The following C13orf46 variants were observed in gnomAD, a reference collection of about 807,000 sequenced individuals.
C13orf46 encodes uncharacterized protein C13orf46.
At chr13:113,947,045 G>A in the C13orf46 span, among the ~76,000 whole-genome samples, 1 of 152,250 alleles carries the variant, frequency 6.6e-6, no homozygotes, top group Non-Finnish European at 1.5e-5. Flanking sequence ...TGGGAGAGAG[G>A]GGCCAGCCAC....
At chr13:113,952,349 TC>T (rs1225116771), downstream of C13orf46, among the ~76,000 whole-genome samples, 1 of 106,510 alleles carries the variant, frequency 9.4e-6, no homozygotes, top group Non-Finnish European at 2.3e-5. Flanking sequence ...TGGCCGCCGC[TC>T]CCGCCTGCCC....
chr13:113,957,839 A>C (rs1355278683), intron 6 of C13orf46, among the ~76,000 whole-genome samples: 14 of 87,702 alleles, frequency 1.6e-4, no homozygotes, highest in Admixed American at 4.3e-4. Flanking sequence ...TGCACTCTGT[A>C]TTCACCCCCT....
downstream of C13orf46, among the ~76,000 whole-genome samples, chr13:113,951,948 C>T (rs1449674943): frequency 1.6e-4 from 24 of 152,202 alleles, no homozygotes; most frequent in Non-Finnish European, 2.9e-5. Flanking sequence ...TGCCTCTCTC[C>T]GTATATGGCA....
chr13:113,931,909 G>A, the C13orf46 span, among the ~76,000 whole-genome samples: 1 of 151,618 alleles, frequency 6.6e-6, no homozygotes, highest in Non-Finnish European at 1.5e-5. Context: ...CCACAATCGA[G>A]ACCATGGACA....
chr13:113,960,643 G>T (rs1042773642), intron 6 of C13orf46, among the ~76,000 whole-genome samples: 22 of 152,268 alleles, frequency 1.4e-4, no homozygotes, highest in African/African-American at 5.1e-4. Flanking sequence ...GGCTTTTCTT[G>T]CTATGTCTGA....
At chr13:113,965,721 G>A (rs1164395748) in intron 5 of C13orf46, among the ~76,000 whole-genome samples, 3 of 147,136 alleles carry the variant, frequency 2.0e-5, no homozygotes, top group African/African-American at 7.7e-5. Flanking sequence ...TTATAATGGT[G>A]GTGATGATGG....
At chr13:113,934,657 G>T in the C13orf46 span, among the ~76,000 whole-genome samples, 17 of 152,344 alleles carry the variant, frequency 1.1e-4, no homozygotes, top group Middle Eastern at 3.4e-3. Flanking sequence ...GCAAGTGCTC[G>T]AGGCCTGCCT....
chr13:113,955,080 C>A lies in C13orf46; in HGVS notation c.*1693G>T. The A allele has an allele frequency of 5.9e-6, 1 of 169,572 alleles. No homozygotes were observed. The highest frequency in any genetic ancestry group is 1.1e-5 in the Non-Finnish European group (1 of 90,594). The allele number at this position is 169,572 out of a possible 1,614,324, so 10.5% of individuals were successfully genotyped here. The stretch of plus-strand genomic sequence containing the variant: ...GCATCCGGCGGGGATGAGGAGCATC[C>A]AGTGGGGATGAGGAGCAGCTGGTGG... On this transcript the variant is annotated 3_prime_UTR_variant, in exon 7 of 7. Coordinates refer to ENST00000636427, the MANE Select transcript of C13orf46 (RefSeq NM_001365455.2).
the C13orf46 span, among the ~76,000 whole-genome samples, chr13:113,939,945 C>T: frequency 5.3e-5 from 8 of 152,304 alleles, no homozygotes; most frequent in Non-Finnish European, 7.3e-5. Flanking sequence ...AAGGAAGTGC[C>T]GCTGGCCTCA....
chr13:113,940,234 C>T, the C13orf46 span, among the ~76,000 whole-genome samples: 8 of 152,312 alleles, frequency 5.3e-5, no homozygotes, highest in East Asian at 3.9e-4. Context: ...TCCCCGGAAG[C>T]GAAGAGCAGG....
chr13:113,959,258 T>G (rs951870639), intron 6 of C13orf46, among the ~76,000 whole-genome samples: 26 of 151,852 alleles, frequency 1.7e-4, no homozygotes, highest in Non-Finnish European at 2.6e-4. Context: ...GGTGACAGAG[T>G]GAGATCTGCC....
chr13:113,953,729 C>G lies in C13orf46; in HGVS notation c.*3044G>C, dbSNP rs1435392224. 1 of 152,276 alleles carries G rather than the reference C, an allele frequency of 6.6e-6. No homozygotes were observed. The highest frequency in any genetic ancestry group is 1.5e-5 in the Non-Finnish European group (1 of 68,080). 9.4% of individuals were successfully genotyped at this position (152,276 alleles called of 1,614,324 possible). ...GGACAGACTCATGCCGATGTTTGCT[C>G]TGTGGGGGAGGGTGCTGGGAGCCAC... On this transcript the variant is annotated 3_prime_UTR_variant, in exon 7 of 7. Coordinates refer to ENST00000636427, the MANE Select transcript of C13orf46 (RefSeq NM_001365455.2).
intron 2 of C13orf46, among the ~76,000 whole-genome samples, chr13:113,969,542 G>A (rs946400803): frequency 9.9e-5 from 15 of 152,236 alleles, no homozygotes; most frequent in African/African-American, 2.9e-4. Flanking sequence ...TCCACTCAAC[G>A]GGAGCCATTT....
downstream of C13orf46, among the ~76,000 whole-genome samples, chr13:113,953,232 G>A (rs2052496487): frequency 6.6e-6 from 1 of 152,216 alleles, no homozygotes; most frequent in African/African-American, 2.4e-5. Context: ...TGGGGCCCAA[G>A]CCAGGTGGCC....
chr13:113,967,000 A>G (rs1486551830), intron 5 of C13orf46, among the ~76,000 whole-genome samples: 3 of 152,146 alleles, frequency 2.0e-5, no homozygotes, highest in Non-Finnish European at 4.4e-5. Flanking sequence ...CCAGTCTCTG[A>G]GCTTCCAGGC....
At chr13:113,957,488 C>T (rs1594243133) in intron 6 of C13orf46, among the ~76,000 whole-genome samples, 27 of 138,326 alleles carry the variant, frequency 2.0e-4, no homozygotes, top group African/African-American at 3.3e-4. Flanking sequence ...GGGGGTCTCC[C>T]CTGCACTCCA....
downstream of C13orf46, among the ~76,000 whole-genome samples, chr13:113,951,470 C>T (rs1014130726): frequency 2.0e-5 from 3 of 152,144 alleles, no homozygotes; most frequent in Non-Finnish European, 2.9e-5. Flanking sequence ...CAGCACCACT[C>T]CCCCCCGCCG....
chr13:113,937,869 G>A, the C13orf46 span, among the ~76,000 whole-genome samples: 1 of 152,248 alleles, frequency 6.6e-6, no homozygotes, highest in Non-Finnish European at 1.5e-5. Flanking sequence ...TGAGGGCAGA[G>A]GAAGTGATCA....
the C13orf46 span, among the ~76,000 whole-genome samples, chr13:113,934,268 T>C: frequency 3.9e-5 from 6 of 152,374 alleles, no homozygotes; most frequent in Non-Finnish European, 7.3e-5. Context: ...TCCCAGGTTT[T>C]CGCTGTTCCA....
Sources: allele counts gnomAD v4.1 joint callset (sites outside exome capture counted in the v4.1 genomes callset), GRCh38; gene constraint gnomAD v4.1.1; transcripts MANE v1.5; gene names NCBI Gene and HGNC (gene_info 2026-07-23, HGNC 2026-07-21).